The following MYO5C variants were observed in gnomAD, a reference collection of about 807,000 sequenced individuals.
The protein encoded by MYO5C is unconventional myosin-Vc.
Under a neutral mutation model 235.7 loss-of-function variants are expected in MYO5C, and 194 were observed. That is an observed-to-expected ratio of 0.82 (90% CI 0.73 to 0.93). The LOEUF (loss-of-function observed/expected upper bound fraction) is 0.93. Among genes scored for constraint, MYO5C ranks in the 40% least tolerant of loss-of-function variants. The pLI is 0.00. For missense variants in MYO5C, 2,038 were observed against 2,127.2 expected, an observed-to-expected ratio of 0.96 and a Z score of 0.82; for synonymous variants, 707 against 754.8, an observed-to-expected ratio of 0.94 and a Z score of 1.04.
rs773804374 is a variant in MYO5C, at chr15:52,261,111, A to AGGT, written c.1061_1063dup (p.His354dup). On this transcript the variant is annotated inframe_insertion, in exon 10 of 41. Transcript: ENST00000261839. Reference sequence around the variant, plus strand: ...GCCCAGGAGCTCACAGAACACCTTCAGGTGACTGTCATCCTCCTTCAAAAA... The same window carrying AGGT: ...GCCCAGGAGCTCACAGAACACCTTCAGGTGGTGACTGTCATCCTCCTTCAAAAA... 1.4e-5 allele frequency: 23 copies of AGGT among 1,613,928 alleles called. No individual in the cohort carries two copies. In the Middle Eastern group the frequency reaches 4.9e-4, roughly 35 times the overall value.
intron 1 of MYO5C, among the ~76,000 whole-genome samples, chr15:52,287,427 A>G (rs1481294877): frequency 1.3e-5 from 2 of 152,246 alleles, no homozygotes; most frequent in African/African-American, 4.8e-5. Flanking sequence ...CTTCATTAAA[A>G]TGGATTAGGA....
Position 52,223,694 on chromosome 15 carries a change from C to T in MYO5C, c.3477G>A (p.Lys1159=), listed in dbSNP as rs775074458. 6.2e-7 allele frequency: 1 copy of T among 1,614,062 alleles called. No homozygotes were observed. Among genetic ancestry groups the T allele is most frequent in the Non-Finnish European group, 8.5e-7 (1 of 1,179,982 alleles). Reference sequence around the variant, plus strand: ...CTTCAATCTCCTTTTCATAGCAATCCTTCTGAGACTGGAAATGGCTCTCCA... The same window carrying T: ...CTTCAATCTCCTTTTCATAGCAATCTTTCTGAGACTGGAAATGGCTCTCCA... The part of the protein sequence containing the change: ...RVLESHFQSQ[K]DCYEKEIEAL... Residue 1159 remains lysine (K), a synonymous_variant, in exon 29 of 41, where the codon AAG becomes AAA. Transcript: ENST00000261839.
intron 15 of MYO5C, 69 bp downstream of exon 15, chr15:52,247,389 T>A (rs1347534459): frequency 7.5e-5 from 117 of 1,552,802 alleles, no homozygotes; most frequent in Non-Finnish European, 1.0e-4. Flanking sequence ...GCGGGTCCTC[T>A]GAGTGCCCTG....
At chr15:52,195,115 A>C (rs896988162) in intron 40 of MYO5C, among the ~76,000 whole-genome samples, 2 of 152,184 alleles carry the variant, frequency 1.3e-5, no homozygotes, top group Non-Finnish European at 2.9e-5. Flanking sequence ...GTATTCAACG[A>C]TCAGTAAGAA....
At chr15:52,196,528 G>T in intron 38 of MYO5C, 45 bp from the exon 39 acceptor site, 1 of 1,572,560 alleles carries the variant, frequency 6.4e-7, no homozygotes, top group Non-Finnish European at 8.7e-7. Context: ...AGGGAAGGGT[G>T]CCAGATACTC....
intron 23 of MYO5C, among the ~76,000 whole-genome samples, chr15:52,233,019 C>T: frequency 7.3e-5 from 1 of 13,746 alleles, no homozygotes; most frequent in East Asian, 4.2e-4. Context: ...GTGGCTCACG[C>T]CTGTAATCCC....
At position 52,196,399 on chromosome 15, in the gene MYO5C, A is replaced by C; in HGVS notation, c.4905T>G (p.Ser1635=). 1 of 1,614,206 alleles carries C rather than the reference A, an allele frequency of 6.2e-7. No individual in the cohort carries two copies. The highest frequency in any genetic ancestry group is 8.5e-7 in the Non-Finnish European group (1 of 1,180,028). The stretch of plus-strand genomic sequence containing the variant: ...TGACCTGAAGCAACCAGGCTGCCTG[A>C]GAGAGGGGCTCCAAAGTTTCCTTTG... The part of the protein sequence containing the change: ...SLAKETLEPL[S]QAAWLLQVKK... Residue 1635 remains serine (S), a synonymous_variant, in exon 39 of 41, where the codon TCT becomes TCG. Coordinates refer to ENST00000261839, the MANE Select transcript of MYO5C (RefSeq NM_018728.4).
At chr15:52,247,129 T>C in intron 15 of MYO5C, 115 bp from the exon 16 acceptor site, 1 of 830,642 alleles carries the variant, frequency 1.2e-6, no homozygotes, top group Non-Finnish European at 1.9e-6. Flanking sequence ...GTTAACCTCA[T>C]GCATAAACAC....
At chr15:52,268,513 C>T (rs946913305) in intron 8 of MYO5C, among the ~76,000 whole-genome samples, 23 of 151,726 alleles carry the variant, frequency 1.5e-4, no homozygotes, top group African/African-American at 4.8e-4. Context: ...CGCCACTGCA[C>T]TCCAGGCCAG....
intron 19 of MYO5C, 30 bp from the exon 20 acceptor site, chr15:52,242,243 G>C: frequency 2.5e-6 from 4 of 1,590,244 alleles, no homozygotes; most frequent in Non-Finnish European, 1.7e-6. Flanking sequence ...GAGTGAGTCT[G>C]TTACCCACAG....
intron 38 of MYO5C, among the ~76,000 whole-genome samples, chr15:52,197,140 G>GTA (rs2141255440): frequency 1.3e-5 from 2 of 152,310 alleles, no homozygotes; most frequent in South Asian, 4.1e-4. Flanking sequence ...TCCTAGACAT[G>GTA]TACTCAAGAG....
At chr15:52,202,193 A>G (rs895254162) in intron 38 of MYO5C, among the ~76,000 whole-genome samples, 2 of 152,174 alleles carry the variant, frequency 1.3e-5, no homozygotes, top group Non-Finnish European at 2.9e-5. Context: ...CCTGGCCAAC[A>G]TGGTGAAACC....
chr15:52,266,978 A>G (rs1218526759), intron 8 of MYO5C, among the ~76,000 whole-genome samples: 1 of 152,204 alleles, frequency 6.6e-6, no homozygotes, highest in African/African-American at 2.4e-5. Context: ...ACAAAACTCC[A>G]GAGGGCTTTG....
chr15:52,262,203 G>C (rs994663454), intron 9 of MYO5C, among the ~76,000 whole-genome samples: 1 of 152,226 alleles, frequency 6.6e-6, no homozygotes, highest in African/African-American at 2.4e-5. Flanking sequence ...CAAATTTAAC[G>C]TGTCCAACAT....
At chr15:52,293,060 A>C (rs1223802416) in intron 1 of MYO5C, among the ~76,000 whole-genome samples, 1 of 152,192 alleles carries the variant, frequency 6.6e-6, no homozygotes. Flanking sequence ...GGCTCTTCTT[A>C]AGAGAGATTT....
intron 23 of MYO5C, among the ~76,000 whole-genome samples, chr15:52,235,118 C>G (rs2036049116): frequency 6.6e-6 from 1 of 152,196 alleles, no homozygotes; most frequent in Non-Finnish European, 1.5e-5. Flanking sequence ...GAAGTGATAC[C>G]TACTGGTTCC....
intron 22 of MYO5C, among the ~76,000 whole-genome samples, chr15:52,236,473 G>A (rs1055461477): frequency 2.1e-4 from 32 of 152,192 alleles, no homozygotes; most frequent in African/African-American, 7.0e-4. Flanking sequence ...TCAGGAGTTC[G>A]AGACCAGCTT....
chr15:52,278,774 A>T, intron 4 of MYO5C, 99 bp downstream of exon 4: 1 of 1,451,344 alleles, frequency 6.9e-7, no homozygotes, highest in Non-Finnish European at 9.4e-7. Context: ...TATCTCTTTT[A>T]ATGAGCCCAA....
At chr15:52,228,765 A>T (rs2035885913) in intron 25 of MYO5C, among the ~76,000 whole-genome samples, 1 of 152,224 alleles carries the variant, frequency 6.6e-6, no homozygotes, top group African/African-American at 2.4e-5. Flanking sequence ...TTTAAATGAA[A>T]GATTTTGATA....
Sources: gnomAD v4.1 joint callset for allele counts (sites outside exome capture counted in the v4.1 genomes callset) on GRCh38, gnomAD v4.1.1 for gene constraint, MANE v1.5 for transcripts, NCBI Gene and HGNC (gene_info 2026-07-23, HGNC 2026-07-21) for gene names.